The following DAB1 variants were observed in gnomAD, a reference collection of about 807,000 sequenced individuals.
DAB1 encodes DAB adaptor protein 1, also known as disabled homolog 1.
A neutral mutation model predicts 64.6 loss-of-function variants in DAB1; 15 were observed. The observed-to-expected ratio is 0.23, with a 90% CI of 0.16 to 0.36. The LOEUF is 0.36. Among genes scored for constraint, DAB1 ranks in the 10% least tolerant of loss-of-function variants. DAB1 has a pLI of 1.00. For missense variants in DAB1, 596 were observed against 706.7 expected (o/e 0.84, Z 1.78); for synonymous variants, 235 against 251.9 (o/e 0.93, Z 0.64).
chr1:57,998,228 C>A (rs996060310), intron 5 of DAB1, among the ~76,000 whole-genome samples: 1 of 152,146 alleles, frequency 6.6e-6, no homozygotes, highest in African/African-American at 2.4e-5. Flanking sequence ...CATTGCCTAG[C>A]CTTGTGCATG....
At chr1:57,659,978 A>AATAT (rs1646366013) in intron 6 of DAB1, among the ~76,000 whole-genome samples, 2 of 138,724 alleles carry the variant, frequency 1.4e-5, no homozygotes, top group African/African-American at 2.7e-5. Context: ...CTCTCTCTCA[A>AATAT]AAATAAATAA....
At chr1:57,242,761 A>G (rs1490329872) in intron 2 of DAB1, among the ~76,000 whole-genome samples, 3 of 152,144 alleles carry the variant, frequency 2.0e-5, no homozygotes, top group Non-Finnish European at 4.4e-5. Flanking sequence ...TAATCTACTG[A>G]CCATTTTTTA....
At chr1:58,228,879 A>C in intron 4 of DAB1, 1 of 564,956 alleles carries the variant, frequency 1.8e-6, no homozygotes, top group South Asian at 1.5e-5. Flanking sequence ...GGCCCAGAGC[A>C]TCCGCAGGCA....
rs1651030177 is a variant in DAB1 at position 57,799,584 on chromosome 1, CTG to C, written n.551+84413_551+84414del. 2.7e-5 allele frequency among the ~76,000 whole-genome samples: 3 copies of C among 111,970 alleles called. No homozygotes were observed. In the East Asian group the frequency reaches 1.0e-3, roughly 38 times the overall value. 73.5% of individuals were successfully genotyped at this position (111,970 alleles called of 152,430 possible). A position where few individuals can be genotyped will look rare whatever the true frequency, so the allele number is the denominator to read the frequency against. ...TGAGAAAAAAAAAAAAAAAAAAGAT[CTG>C]GGGGGGGCTTTCAGGAAGATTAAAC... On this transcript the variant is annotated intron_variant and non_coding_transcript_variant, in intron 6 of 20. Coordinates refer to the DAB1 transcript ENST00000485760.
At chr1:57,611,894 C>T (rs1259871432) in intron 7 of DAB1, among the ~76,000 whole-genome samples, 5 of 152,180 alleles carry the variant, frequency 3.3e-5, no homozygotes, top group Admixed American at 2.0e-4. Context: ...AGAATAAACT[C>T]GAAATTCCAT....
chr1:57,108,381 A>G (rs1023048261), intron 4 of DAB1, among the ~76,000 whole-genome samples: 1 of 152,090 alleles, frequency 6.6e-6, no homozygotes, highest in Admixed American at 6.5e-5. Flanking sequence ...AGCTGTTTGG[A>G]ACACGTTTTC....
intron 3 of DAB1, among the ~76,000 whole-genome samples, chr1:58,349,038 C>T (rs1644026988): frequency 6.6e-6 from 1 of 151,986 alleles, no homozygotes; most frequent in South Asian, 2.1e-4. Context: ...GCCTGCTGTC[C>T]CATCCCCACT....
At chr1:58,045,147 G>A (rs773422461) in intron 5 of DAB1, among the ~76,000 whole-genome samples, 19 of 152,170 alleles carry the variant, frequency 1.2e-4, no homozygotes, top group Non-Finnish European at 1.8e-4. Context: ...AATTTGAGAG[G>A]ATCCTGAATC....
At chr1:57,573,985 C>T (rs1570640381) in intron 7 of DAB1, among the ~76,000 whole-genome samples, 2 of 152,166 alleles carry the variant, frequency 1.3e-5, no homozygotes, top group Non-Finnish European at 2.9e-5. Context: ...GGCTGTGGGA[C>T]ACCCTGAGTA....
chr1:57,977,041 T>A (rs1645937259), intron 5 of DAB1, among the ~76,000 whole-genome samples: 1 of 152,188 alleles, frequency 6.6e-6, no homozygotes, highest in Non-Finnish European at 1.5e-5. Context: ...TCAACATGAT[T>A]TCATCAGTCA....
At chr1:58,451,079 AT>A (rs1645130717) in intron 3 of DAB1, among the ~76,000 whole-genome samples, 1 of 152,156 alleles carries the variant, frequency 6.6e-6, no homozygotes, top group African/African-American at 2.4e-5. Flanking sequence ...AATTTTTTAA[AT>A]TTTTATTAAT....
intron 6 of DAB1, 142 bp downstream of exon 6, chr1:57,071,380 T>C: frequency 1.0e-6 from 1 of 966,354 alleles, no homozygotes; most frequent in Non-Finnish European, 1.5e-6. Context: ...ATGGCTTGCT[T>C]TGGGTCCTGT....
At chr1:57,038,662 A>G (rs1341253598) in intron 9 of DAB1, among the ~76,000 whole-genome samples, 1 of 152,212 alleles carries the variant, frequency 6.6e-6, no homozygotes, top group Non-Finnish European at 1.5e-5. Flanking sequence ...AGGTTGGAGG[A>G]TAAAGGGAAA....
chr1:57,415,662 G>C (rs1411447385), intron 1 of DAB1, among the ~76,000 whole-genome samples: 1 of 152,096 alleles, frequency 6.6e-6, no homozygotes, highest in African/African-American at 2.4e-5. Flanking sequence ...TAGCACTACT[G>C]GTTTAACCTG....
At chr1:58,242,720 T>C (rs1255721720) in intron 4 of DAB1, among the ~76,000 whole-genome samples, 1 of 151,788 alleles carries the variant, frequency 6.6e-6, no homozygotes, top group Non-Finnish European at 1.5e-5. Flanking sequence ...CTAAGAAGAG[T>C]TCATATGGGA....
intron 9 of DAB1, among the ~76,000 whole-genome samples, chr1:57,059,668 G>A (rs1398930992): frequency 2.6e-5 from 4 of 151,964 alleles, no homozygotes; most frequent in Non-Finnish European, 4.4e-5. Context: ...TATTACCTCC[G>A]AGAGGCTTGG....
chr1:58,416,844 T>C (rs1437936241), intron 3 of DAB1, among the ~76,000 whole-genome samples: 1 of 152,124 alleles, frequency 6.6e-6, no homozygotes, highest in Non-Finnish European at 1.5e-5. Context: ...AGAGTTTCTG[T>C]GGAAGATGTA....
intron 7 of DAB1, among the ~76,000 whole-genome samples, chr1:57,547,701 T>G (rs920819956): frequency 2.0e-5 from 3 of 152,216 alleles, no homozygotes; most frequent in African/African-American, 7.2e-5. Context: ...CTGGTTTGGA[T>G]TCTGGAACAG....
chr1:57,790,593 C>A (rs1242241775), intron 6 of DAB1, among the ~76,000 whole-genome samples: 1 of 152,104 alleles, frequency 6.6e-6, no homozygotes, highest in Non-Finnish European at 1.5e-5. Flanking sequence ...AACTTTCTCC[C>A]ACCATCCCTA....
Sources: gnomAD v4.1 joint callset for allele counts (sites outside exome capture counted in the v4.1 genomes callset) on GRCh38, gnomAD v4.1.1 for gene constraint, MANE v1.5 for transcripts, NCBI Gene and HGNC (gene_info 2026-07-23, HGNC 2026-07-21) for gene names.